UBAP1: variants seen among roughly 807,000 people sequenced by gnomAD.
UBAP1 encodes the protein ubiquitin associated protein 1.
UBAP1 carries 5 observed loss-of-function variants against 39.0 expected under a neutral mutation model. The observed-to-expected ratio is 0.13, with a 90% CI of 0.07 to 0.27. The LOEUF (loss-of-function observed/expected upper bound fraction) is 0.27. UBAP1 is among the 10% of genes least tolerant of loss of function. The probability of loss-of-function intolerance (pLI) is 1.00; values close to 1 mark genes in which losing one functional copy is unlikely to be tolerated. For missense variants in UBAP1, 490 were observed against 608.1 expected (o/e 0.81, Z 2.04); for synonymous variants, 211 against 225.1 (o/e 0.94, Z 0.56).
chr9:34,212,048 A>G (rs1404049682), intron 1 of UBAP1: 2 of 424,330 alleles, frequency 4.7e-6, no homozygotes, highest in Non-Finnish European at 9.5e-6. Context: ...TAAAAAAGAA[A>G]AAGAATATGT....
At chr9:34,184,025 C>T (rs1249852382) in intron 1 of UBAP1, among the ~76,000 whole-genome samples, 1 of 151,952 alleles carries the variant, frequency 6.6e-6, no homozygotes, top group Non-Finnish European at 1.5e-5. Flanking sequence ...CCGCTTCGGC[C>T]TCCCAAAGTG....
At chr9:34,226,128 TGTGTG>T (rs1403010420) in intron 2 of UBAP1, among the ~76,000 whole-genome samples, 1,495 of 118,100 alleles carry the variant, frequency 0.013, 30 homozygotes, top group African/African-American at 0.033. Flanking sequence ...TGTGTGTGTG[TGTGTG>T]TGTGTGTGTG....
intron 1 of UBAP1, among the ~76,000 whole-genome samples, chr9:34,207,048 C>CTTTTTTT (rs34197502): frequency 2.2e-3 from 195 of 89,962 alleles, no homozygotes; most frequent in Non-Finnish European, 2.7e-3. Flanking sequence ...ATTGTTATTT[C>CTTTTTTT]TTTTTTTTTT....
At position 34,220,789 on chromosome 9, in the gene UBAP1, C is replaced by T. The variant is rs536477579; in HGVS notation, c.-7-119C>T. On this transcript the variant is annotated intron_variant, in intron 1 of 6. Coordinates refer to ENST00000297661, the MANE Select transcript of UBAP1 (RefSeq NM_016525.5). ...TTTTTTTTGGACTTTGGGAGTGAGA[C>T]GTGAGGATTCTGTCAGCCCTAAAAC... is the stretch of plus-strand genomic sequence containing the variant. 2.5e-4 allele frequency: 192 copies of T among 763,604 alleles called. 1 individual carries two copies. In the African/African-American group the frequency reaches 2.9e-3, roughly 12 times the overall value. 47.3% of individuals were successfully genotyped at this position (763,604 alleles called of 1,614,324 possible). A position where few individuals can be genotyped will look rare whatever the true frequency, so the allele number is the denominator to read the frequency against.
At position 34,226,533 on chromosome 9, in the gene UBAP1, G is replaced by A. The variant is rs1398087380; in HGVS notation, c.34+5585G>A. On this transcript the variant is annotated intron_variant, in intron 2 of 6. Coordinates refer to ENST00000297661, the MANE Select transcript of UBAP1 (RefSeq NM_016525.5). ...ATTACAGGCATGAGCCACCGCGCCT[G>A]GCCTTGTTTCTACAAAAAATTAAAA... 2.6e-5 allele frequency among the ~76,000 whole-genome samples: 4 copies of A among 152,242 alleles called. No individual in the cohort carries two copies. The East Asian group carries it at 7.7e-4, about 29-fold the overall frequency.
intron 3 of UBAP1, among the ~76,000 whole-genome samples, chr9:34,238,218 ATAT>A (rs1487325403): frequency 6.6e-6 from 1 of 152,206 alleles, no homozygotes; most frequent in Non-Finnish European, 1.5e-5. Flanking sequence ...TAGGTGAATA[ATAT>A]TTCATTGTTT....
intron 1 of UBAP1, among the ~76,000 whole-genome samples, chr9:34,216,502 T>C (rs190570338): frequency 1.6e-3 from 245 of 152,134 alleles, no homozygotes; most frequent in Non-Finnish European, 2.4e-3. Context: ...ATTTTAAATT[T>C]TTTTTAGAGC....
chr9:34,251,751 C>T lies in UBAP1; in HGVS notation c.*219C>T, dbSNP rs1023517880. On this transcript the variant is annotated 3_prime_UTR_variant, in exon 7 of 7. Coordinates refer to ENST00000297661, the MANE Select transcript of UBAP1 (RefSeq NM_016525.5). ...AGTGCCCCCAGAACTGTCCTGGCTCCTTCCGTATTAAACGCATTTGCATTT... is the reference window on the plus strand; with the variant it reads ...AGTGCCCCCAGAACTGTCCTGGCTCTTTCCGTATTAAACGCATTTGCATTT... The T allele has an allele frequency of 3.7e-6, 2 of 541,714 alleles. No homozygotes were observed. Among genetic ancestry groups the T allele is most frequent in the African/African-American group, 1.9e-5 (1 of 53,288 alleles). 33.6% of individuals were successfully genotyped at this position (541,714 alleles called of 1,614,324 possible). A position where few individuals can be genotyped will look rare whatever the true frequency, so the allele number is the denominator to read the frequency against.
At chr9:34,198,469 A>G (rs1358333147) in intron 1 of UBAP1, among the ~76,000 whole-genome samples, 1 of 152,140 alleles carries the variant, frequency 6.6e-6, no homozygotes, top group African/African-American at 2.4e-5. Flanking sequence ...AGGTGAGGCC[A>G]TAGGCTATGC....
chr9:34,233,144 C>T (rs1182941350), intron 2 of UBAP1, among the ~76,000 whole-genome samples: 1 of 151,940 alleles, frequency 6.6e-6, no homozygotes, highest in African/African-American at 2.4e-5. Context: ...TTCCCCTTTT[C>T]ATGTAAGTGT....
At chr9:34,203,774 G>A (rs896780549) in intron 1 of UBAP1, among the ~76,000 whole-genome samples, 2 of 152,016 alleles carry the variant, frequency 1.3e-5, no homozygotes, top group Admixed American at 6.6e-5. Flanking sequence ...CTTTGACACC[G>A]TGTGAAGTTG....
intron 1 of UBAP1, among the ~76,000 whole-genome samples, chr9:34,197,300 T>G (rs1271568658): frequency 6.6e-6 from 1 of 151,670 alleles, no homozygotes; most frequent in Non-Finnish European, 1.5e-5. Flanking sequence ...TTTGTAAAAA[T>G]TTTTATTAAA....
intron 2 of UBAP1, chr9:34,223,924 T>G (rs1399553044): frequency 2.0e-5 from 5 of 245,336 alleles, no homozygotes; most frequent in Non-Finnish European, 3.3e-5. Flanking sequence ...GTTTTTTGGG[T>G]TTTTTTTGGG....
intron 1 of UBAP1, among the ~76,000 whole-genome samples, chr9:34,185,065 G>A (rs1413746902): frequency 1.3e-5 from 2 of 151,088 alleles, no homozygotes; most frequent in Non-Finnish European, 2.9e-5. Flanking sequence ...CTCCCTAGTA[G>A]CTGGGATTAC....
At chr9:34,197,262 T>G (rs1831122465) in intron 1 of UBAP1, among the ~76,000 whole-genome samples, 1 of 151,710 alleles carries the variant, frequency 6.6e-6, no homozygotes, top group Non-Finnish European at 1.5e-5. Context: ...CGGACCTTCT[T>G]TAATAGGATT....
intron 1 of UBAP1, among the ~76,000 whole-genome samples, chr9:34,205,442 G>T (rs762125050): frequency 6.6e-6 from 1 of 152,018 alleles, no homozygotes; most frequent in South Asian, 2.1e-4. Context: ...AGAGATTATT[G>T]TTTTAGCTTT....
chr9:34,250,804 A>G, intron 6 of UBAP1, 45 bp downstream of exon 6: 2 of 1,528,010 alleles, frequency 1.3e-6, no homozygotes, highest in East Asian at 2.3e-5. Flanking sequence ...AAAAGGAGGG[A>G]CCAAGTATCC....
chr9:34,243,577 C>T (rs1834067636), intron 4 of UBAP1, among the ~76,000 whole-genome samples: 1 of 151,984 alleles, frequency 6.6e-6, no homozygotes, highest in Admixed American at 6.6e-5. Context: ...CCTCCACCTC[C>T]CAGGGTCGGG....
chr9:34,203,437 C>G (rs1463702877), intron 1 of UBAP1, among the ~76,000 whole-genome samples: 1 of 152,220 alleles, frequency 6.6e-6, no homozygotes, highest in African/African-American at 2.4e-5. Context: ...CAGCAACATT[C>G]ATTCAGCAGG....
Sources: gnomAD v4.1 joint callset for allele counts (sites outside exome capture counted in the v4.1 genomes callset) on GRCh38, gnomAD v4.1.1 for gene constraint, MANE v1.5 for transcripts, NCBI Gene and HGNC (gene_info 2026-07-23, HGNC 2026-07-21) for gene names.